The following STK39 variants were observed in gnomAD, a reference collection of about 807,000 sequenced individuals.
The protein encoded by STK39 is serine/threonine kinase 39.
Under a neutral mutation model 77.8 loss-of-function variants are expected in STK39, and 20 were observed. The ratio of observed to expected loss-of-function variants is 0.26; its 90% CI spans 0.18 to 0.37. The LOEUF (loss-of-function observed/expected upper bound fraction) is 0.37. Ranked by LOEUF, STK39 falls within the 10% of genes least tolerant of loss-of-function variation. The pLI, the probability that STK39 is intolerant of heterozygous loss-of-function variation, is 1.00. For synonymous variants in STK39, 246 were observed against 234.1 expected, an observed-to-expected ratio of 1.05 and a Z score of -0.47; for missense variants, 479 against 656.5, an observed-to-expected ratio of 0.73 and a Z score of 2.95.
chr2:168,233,106 T>C (rs1416002060), intron 1 of STK39, among the ~76,000 whole-genome samples: 1 of 152,198 alleles, frequency 6.6e-6, no homozygotes, highest in Non-Finnish European at 1.5e-5. Context: ...TCTTGACTTA[T>C]GCCAAAAATA....
intron 14 of STK39, among the ~76,000 whole-genome samples, chr2:168,043,437 A>G (rs947344996): frequency 1.3e-5 from 2 of 152,196 alleles, no homozygotes; most frequent in Non-Finnish European, 2.9e-5. Context: ...ATACAGCAAA[A>G]AGGCAAACAA....
chr2:167,979,019 C>T (rs775037065), intron 16 of STK39, among the ~76,000 whole-genome samples: 5 of 151,816 alleles, frequency 3.3e-5, no homozygotes, highest in Non-Finnish European at 7.4e-5. Context: ...TAATTCATTC[C>T]TTTTTATTGC....
chr2:167,955,702 G>T, intron 17 of STK39, 132 bp from the exon 18 acceptor site: 1 of 813,108 alleles, frequency 1.2e-6, no homozygotes, highest in South Asian at 1.8e-5. Context: ...TCTTCCAGAA[G>T]AGAGACGCCA....
At chr2:168,048,202 C>T (rs1685295657) in intron 14 of STK39, among the ~76,000 whole-genome samples, 2 of 150,802 alleles carry the variant, frequency 1.3e-5, no homozygotes, top group Non-Finnish European at 3.0e-5. Context: ...TTTCTACCTC[C>T]TTCTTGGCCT....
chr2:168,215,754 A>C (rs1690010269), intron 1 of STK39, among the ~76,000 whole-genome samples: 1 of 152,162 alleles, frequency 6.6e-6, no homozygotes, highest in Non-Finnish European at 1.5e-5. Flanking sequence ...GAAAGGGGGA[A>C]AAAATGGAAA....
At chr2:167,955,639 A>G in intron 17 of STK39, 69 bp from the exon 18 acceptor site, 1 of 1,495,180 alleles carries the variant, frequency 6.7e-7, no homozygotes, top group Admixed American at 1.8e-5. Context: ...TCTTGTTCCT[A>G]TGATGGCAGA....
chr2:168,235,096 G>A (rs896709227), intron 1 of STK39, among the ~76,000 whole-genome samples: 14 of 150,846 alleles, frequency 9.3e-5, no homozygotes, highest in African/African-American at 2.0e-4. Flanking sequence ...GGAGTGCAGC[G>A]GCGTGATCTT....
intron 1 of STK39, among the ~76,000 whole-genome samples, chr2:168,234,501 C>G (rs1484581625): frequency 6.6e-6 from 1 of 152,160 alleles, no homozygotes; most frequent in Non-Finnish European, 1.5e-5. Flanking sequence ...CATAAGGGAC[C>G]ACCTCTCTCC....
At chr2:167,965,763 T>C (rs532956976) in intron 16 of STK39, among the ~76,000 whole-genome samples, 2 of 152,246 alleles carry the variant, frequency 1.3e-5, no homozygotes, top group African/African-American at 2.4e-5. Flanking sequence ...TTTTTTAAGA[T>C]AAAAAAATTT....
chr2:167,985,476 C>A (rs2105274157), intron 16 of STK39, among the ~76,000 whole-genome samples: 1 of 152,312 alleles, frequency 6.6e-6, no homozygotes, highest in African/African-American at 2.4e-5. Context: ...AGCAGGATAT[C>A]TGCACATCAT....
chr2:168,245,370 T>C (rs1690871738), intron 1 of STK39, among the ~76,000 whole-genome samples: 1 of 152,236 alleles, frequency 6.6e-6, no homozygotes, highest in African/African-American at 2.4e-5. Context: ...GGATCACTTT[T>C]GTTAATTTCT....
At chr2:168,000,407 C>T (rs774652921) in intron 16 of STK39, among the ~76,000 whole-genome samples, 3 of 152,212 alleles carry the variant, frequency 2.0e-5, no homozygotes, top group Non-Finnish European at 4.4e-5. Context: ...AGCAAGCCTA[C>T]AGTGCCTGAG....
chr2:168,161,427 G>C (rs1391256351), intron 5 of STK39, among the ~76,000 whole-genome samples: 1 of 152,140 alleles, frequency 6.6e-6, no homozygotes, highest in African/African-American at 2.4e-5. Flanking sequence ...GTTTTTAATT[G>C]ATGTGTATGA....
At chr2:168,018,538 A>AAAGAGAG (rs766988582) in intron 14 of STK39, among the ~76,000 whole-genome samples, 1 of 85,430 alleles carries the variant, frequency 1.2e-5, no homozygotes, top group Non-Finnish European at 2.2e-5. Context: ...GAAAAGAAAG[A>AAAGAGAG]AAAGAAAGAA....
chr2:167,966,338 A>C (rs1692160319), intron 16 of STK39, among the ~76,000 whole-genome samples: 1 of 152,222 alleles, frequency 6.6e-6, no homozygotes, highest in Non-Finnish European at 1.5e-5. Flanking sequence ...AGTATTTATC[A>C]TGTCAGGGCA....
At position 167,954,404 on chromosome 2, in the gene STK39, T is replaced by C. The variant is rs1691712894; in HGVS notation, c.*1092A>G. The C allele has an allele frequency of 6.6e-6, 1 of 152,660 alleles. No individual in the cohort carries two copies. The highest frequency in any genetic ancestry group is 1.5e-5 in the Non-Finnish European group (1 of 68,044). 9.5% of individuals were successfully genotyped at this position (152,660 alleles called of 1,614,324 possible). A position where few individuals can be genotyped will look rare whatever the true frequency, so the allele number is the denominator to read the frequency against. On this transcript the variant is annotated 3_prime_UTR_variant, in exon 18 of 18. Coordinates refer to ENST00000355999, the MANE Select transcript of STK39 (RefSeq NM_013233.3). ...TGAACCTTAACAGCGTTTTACCTTT[T>C]AGTCATTGCACAAAACCCTTCCAAT...
intron 1 of STK39, among the ~76,000 whole-genome samples, chr2:168,230,201 T>G (rs1690418255): frequency 6.6e-6 from 1 of 152,180 alleles, no homozygotes; most frequent in South Asian, 2.1e-4. Flanking sequence ...ATTTTACCAC[T>G]CCTCCCAAAA....
At chr2:168,246,067 A>T (rs34822900) in intron 1 of STK39, among the ~76,000 whole-genome samples, 39,020 of 151,898 alleles carry the variant, frequency 0.26, 6,185 homozygotes, top group East Asian at 0.5. Context: ...TAATTTTTTT[A>T]AAAGGAGGTG....
chr2:168,245,969 A>G (rs949359980), intron 1 of STK39, among the ~76,000 whole-genome samples: 1 of 152,112 alleles, frequency 6.6e-6, no homozygotes, highest in Non-Finnish European at 1.5e-5. Flanking sequence ...ATATATTTAT[A>G]TATATATTTC....
Sources: allele counts gnomAD v4.1 joint callset (sites outside exome capture counted in the v4.1 genomes callset), GRCh38; gene constraint gnomAD v4.1.1; transcripts MANE v1.5; gene names NCBI Gene and HGNC (gene_info 2026-07-23, HGNC 2026-07-21).